CNTN4: variants seen among roughly 807,000 people sequenced by gnomAD.
CNTN4 encodes the protein contactin-4.
CNTN4 carries 77 observed loss-of-function variants against 122.5 expected under a neutral mutation model. The ratio of observed to expected loss-of-function variants is 0.63; its 90% CI spans 0.52 to 0.76. CNTN4 has a LOEUF of 0.76. Ranked by LOEUF, CNTN4 falls within the 30% of genes least tolerant of loss-of-function variation. The probability of loss-of-function intolerance (pLI) is 0.00; values close to 1 mark genes in which losing one functional copy is unlikely to be tolerated. For missense variants in CNTN4, 1,256 were observed against 1,259.1 expected (o/e 1.00, Z 0.04); for synonymous variants, 512 against 447.0 (o/e 1.15, Z -1.83).
chr3:2,196,948 G>C (rs2149367078), intron 2 of CNTN4, among the ~76,000 whole-genome samples: 1 of 151,600 alleles, frequency 6.6e-6, no homozygotes, highest in Non-Finnish European at 1.5e-5. Context: ...GGAAGGCTAA[G>C]GCAGGAGAAT....
intron 2 of CNTN4, among the ~76,000 whole-genome samples, chr3:2,133,972 A>G (rs554819294): frequency 1.3e-5 from 2 of 152,230 alleles, no homozygotes; most frequent in South Asian, 2.1e-4. Flanking sequence ...GACTTATTTC[A>G]TTTCTCTATT....
At chr3:2,368,544 C>G (rs898140511) in intron 3 of CNTN4, among the ~76,000 whole-genome samples, 1 of 152,108 alleles carries the variant, frequency 6.6e-6, no homozygotes, top group Non-Finnish European at 1.5e-5. Flanking sequence ...GGTTAATAGA[C>G]TACTAATTCC....
rs191735667 is a variant in CNTN4 at position 2,344,095 on chromosome 3, A to T, written c.-89+4862A>T. On this transcript the variant is annotated intron_variant, in intron 3 of 24. Coordinates refer to ENST00000418658, the MANE Select transcript of CNTN4 (RefSeq NM_175607.3). Reference sequence around the variant, plus strand: ...GAACAGTCTTCCCCCCATGGCCCAAACACCTCGCACTAGGCCCCACCTCCC... The same window carrying T: ...GAACAGTCTTCCCCCCATGGCCCAATCACCTCGCACTAGGCCCCACCTCCC... Among the ~76,000 whole-genome samples the T allele has an allele frequency of 6.6e-5, 10 of 152,156 alleles. No homozygotes were observed. The East Asian group carries it at 1.7e-3, about 26-fold the overall frequency.
intron 3 of CNTN4, among the ~76,000 whole-genome samples, chr3:2,350,926 G>T (rs1168506463): frequency 6.6e-6 from 1 of 152,164 alleles, no homozygotes; most frequent in African/African-American, 2.4e-5. Flanking sequence ...CTCTAGCACA[G>T]CCTAAATAAT....
At chr3:2,776,662 G>A (rs1010429431) in intron 6 of CNTN4, among the ~76,000 whole-genome samples, 1 of 152,066 alleles carries the variant, frequency 6.6e-6, no homozygotes, top group Non-Finnish European at 1.5e-5. Context: ...CTCCTCTTTG[G>A]TTCCCTGGGT....
chr3:2,576,082 A>T (rs541582792), intron 4 of CNTN4, among the ~76,000 whole-genome samples: 1 of 151,672 alleles, frequency 6.6e-6, no homozygotes, highest in African/African-American at 2.4e-5. Flanking sequence ...TGATCTGCCC[A>T]CCTCGGCCTC....
intron 3 of CNTN4, among the ~76,000 whole-genome samples, chr3:2,515,405 T>C (rs2077011567): frequency 6.6e-6 from 1 of 152,170 alleles, no homozygotes; most frequent in African/African-American, 2.4e-5. Flanking sequence ...GGTAGCAGGA[T>C]ATTAAAGAGC....
chr3:2,521,051 T>C (rs929323884), intron 3 of CNTN4, among the ~76,000 whole-genome samples: 1 of 152,098 alleles, frequency 6.6e-6, no homozygotes, highest in African/African-American at 2.4e-5. Flanking sequence ...CCTTTGGATC[T>C]GAGGCGCCTT....
intron 11 of CNTN4, 140 bp downstream of exon 11, chr3:2,900,961 T>G (rs1265484766): frequency 9.4e-7 from 1 of 1,063,564 alleles, no homozygotes; most frequent in African/African-American, 1.6e-5. Context: ...AAAGTGAGAG[T>G]GAATGCAATT....
chr3:2,493,141 A>G (rs1402658234), intron 3 of CNTN4, among the ~76,000 whole-genome samples: 1 of 152,184 alleles, frequency 6.6e-6, no homozygotes, highest in Non-Finnish European at 1.5e-5. Flanking sequence ...AGTAACAAGA[A>G]GATAATATAG....
intron 4 of CNTN4, among the ~76,000 whole-genome samples, chr3:2,598,433 T>C (rs2080874441): frequency 6.6e-6 from 1 of 152,152 alleles, no homozygotes; most frequent in South Asian, 2.1e-4. Context: ...TCCCTCTCAA[T>C]ATTCTAATCA....
chr3:2,192,127 C>T (rs2037598786), intron 2 of CNTN4, among the ~76,000 whole-genome samples: 1 of 151,940 alleles, frequency 6.6e-6, no homozygotes, highest in African/African-American at 2.4e-5. Context: ...TCCAGTCTAT[C>T]ATTGATGGAC....
At chr3:2,458,938 A>G (rs1019053175) in intron 3 of CNTN4, among the ~76,000 whole-genome samples, 5 of 152,150 alleles carry the variant, frequency 3.3e-5, no homozygotes, top group South Asian at 2.1e-4. Context: ...AGACTGTACA[A>G]TTCTTCCTTT....
chr3:2,571,793 A>G (rs2079432460), intron 4 of CNTN4, among the ~76,000 whole-genome samples: 1 of 152,134 alleles, frequency 6.6e-6, no homozygotes, highest in African/African-American at 2.4e-5. Context: ...TGGTCCTTTT[A>G]GAGTCGTTTG....
intron 2 of CNTN4, among the ~76,000 whole-genome samples, chr3:2,186,078 C>A (rs1017969034): frequency 6.6e-6 from 1 of 151,852 alleles, no homozygotes; most frequent in Admixed American, 6.6e-5. Flanking sequence ...TATCCCTCCC[C>A]CTTCCCCCCA....
intron 3 of CNTN4, among the ~76,000 whole-genome samples, chr3:2,476,880 G>A (rs1185778699): frequency 6.6e-6 from 1 of 152,036 alleles, no homozygotes; most frequent in Non-Finnish European, 1.5e-5. Context: ...TTTATTATTA[G>A]TCTTTATTGT....
At chr3:2,297,888 A>G (rs759251161) in intron 2 of CNTN4, among the ~76,000 whole-genome samples, 2 of 151,922 alleles carry the variant, frequency 1.3e-5, no homozygotes, top group Non-Finnish European at 2.9e-5. Context: ...ATGCCACCAC[A>G]CCTGGCTAAT....
At position 2,647,798 on chromosome 3, in the gene CNTN4, G is replaced by A. The variant is rs117035609; in HGVS notation, c.55+76240G>A. ...TGCTGTAGAGATACCAGCTGTCTCT[G>A]CTTACTGAAAAGGCAATCTTAATTC... is the stretch of plus-strand genomic sequence containing the variant. On this transcript the variant is annotated intron_variant, in intron 4 of 24. Coordinates refer to ENST00000418658, the MANE Select transcript of CNTN4 (RefSeq NM_175607.3). Among the ~76,000 whole-genome samples the A allele has an allele frequency of 1.1e-3, 165 of 152,310 alleles. 2 individuals are homozygous for A. In the East Asian group the frequency reaches 0.031, roughly 28 times the overall value.
chr3:2,570,088 C>G (rs1042783859), intron 3 of CNTN4, among the ~76,000 whole-genome samples: 20 of 152,054 alleles, frequency 1.3e-4, no homozygotes, highest in Non-Finnish European at 2.8e-4. Flanking sequence ...AGAGGAACCA[C>G]AGTTGAGAGT....
Sources: allele counts gnomAD v4.1 joint callset (sites outside exome capture counted in the v4.1 genomes callset), GRCh38; gene constraint gnomAD v4.1.1; transcripts MANE v1.5; gene names NCBI Gene and HGNC (gene_info 2026-07-23, HGNC 2026-07-21).